The following FANCC variants were observed in gnomAD, a reference collection of about 807,000 sequenced individuals.
FANCC encodes Fanconi anemia group C protein.
Under a neutral mutation model 71.3 loss-of-function variants are expected in FANCC, and 55 were observed. The observed-to-expected ratio is 0.77, with a 90% confidence interval of 0.62 to 0.97. FANCC has a LOEUF of 0.97. FANCC is among the 50% of genes least tolerant of loss of function. The probability of loss-of-function intolerance (pLI) is 0.00; values close to 1 mark genes in which losing one functional copy is unlikely to be tolerated. For missense variants in FANCC, 678 were observed against 670.9 expected (o/e 1.01, Z -0.12); for synonymous variants, 275 against 244.9 (o/e 1.12, Z -1.15).
intron 14 of FANCC, among the ~76,000 whole-genome samples, chr9:95,104,924 CCATAGGTGAGAGCATGCATT>C (rs2071324279): frequency 6.6e-6 from 1 of 152,178 alleles, no homozygotes; most frequent in Non-Finnish European, 1.5e-5. Flanking sequence ...TAGATCCCAC[CCATAGGTGAGAGCATGCATT>C]TGTCTCTCGC....
Position 95,238,593 on chromosome 9 carries a change from T to G in FANCC, c.345+2056A>C, listed in dbSNP as rs1022391725. On this transcript the variant is annotated intron_variant, in intron 4 of 14. Transcript: ENST00000289081. Reference sequence around the variant, plus strand: ...TTTTTTTTTGTTTTTTGAGACAGAGTCTCGCTCTGTCACCCAGGCTGGAGT... The same window carrying G: ...TTTTTTTTTGTTTTTTGAGACAGAGGCTCGCTCTGTCACCCAGGCTGGAGT... 4.6e-4 allele frequency among the ~76,000 whole-genome samples: 70 copies of G among 151,798 alleles called. 1 individual carries two copies. The highest frequency in any genetic ancestry group is 1.2e-4 in the Non-Finnish European group (8 of 67,924).
At chr9:95,248,199 A>G (rs1243268170) in intron 2 of FANCC, among the ~76,000 whole-genome samples, 1 of 152,236 alleles carries the variant, frequency 6.6e-6, no homozygotes, top group Non-Finnish European at 1.5e-5. Context: ...GTTACCTTTC[A>G]TAAAATTTCA....
At chr9:95,109,580 G>A (rs891453743) in intron 13 of FANCC, 1 of 152,146 alleles carries the variant, frequency 6.6e-6, no homozygotes, top group African/African-American at 2.4e-5. Context: ...GCTGCTGGTG[G>A]AAAGGGTGGC....
chr9:95,271,026 G>C (rs1326243924), intron 1 of FANCC, among the ~76,000 whole-genome samples: 1 of 152,178 alleles, frequency 6.6e-6, no homozygotes, highest in African/African-American at 2.4e-5. Flanking sequence ...AATGGGCTCT[G>C]ATTAGGTTAA....
At chr9:95,217,993 G>C (rs1414102834) in intron 4 of FANCC, among the ~76,000 whole-genome samples, 1 of 151,912 alleles carries the variant, frequency 6.6e-6, no homozygotes, top group Non-Finnish European at 1.5e-5. Flanking sequence ...AACAAAGATG[G>C]AATAGGTAAT....
intron 4 of FANCC, among the ~76,000 whole-genome samples, chr9:95,206,092 G>T (rs1828105634): frequency 6.6e-6 from 1 of 151,962 alleles, no homozygotes; most frequent in Admixed American, 6.6e-5. Context: ...GCTGGAAAAA[G>T]AAATACACAA....
At position 95,205,590 on chromosome 9, in the gene FANCC, T is replaced by C. The variant is rs143500576; in HGVS notation, c.346-33443A>G. 3.0e-3 allele frequency among the ~76,000 whole-genome samples: 460 copies of C among 151,308 alleles called. 3 individuals are homozygous for C. Among genetic ancestry groups the C allele is most frequent in the African/African-American group, 0.011 (440 of 41,388 alleles). The stretch of plus-strand genomic sequence containing the variant: ...AAAAAAAAAACACTTTCAGAGAAAA[T>C]GTTAAAGCTTCGGAATGATACATTT... On this transcript the variant is annotated intron_variant, in intron 4 of 14. Transcript: ENST00000289081.
chr9:95,178,064 C>G (rs1826119814), intron 4 of FANCC, among the ~76,000 whole-genome samples: 1 of 151,832 alleles, frequency 6.6e-6, no homozygotes, highest in Non-Finnish European at 1.5e-5. Context: ...TTAAGCTCAT[C>G]AACTATCACT....
At chr9:95,149,831 G>T in intron 7 of FANCC, 92 bp downstream of exon 7, 2 of 1,405,522 alleles carry the variant, frequency 1.4e-6, no homozygotes, top group Non-Finnish European at 2.0e-6. Context: ...AAAAACGTTT[G>T]GACACTGCTG....
At chr9:95,293,654 G>T (rs1314798357) in intron 1 of FANCC, 1 of 1,613,990 alleles carries the variant, frequency 6.2e-7, no homozygotes, top group Non-Finnish European at 8.5e-7. Context: ...CCTCTGTGTC[G>T]TCTTGTTCTC....
intron 3 of FANCC, among the ~76,000 whole-genome samples, chr9:95,241,537 G>T (rs1288079104): frequency 1.3e-5 from 2 of 152,164 alleles, no homozygotes; most frequent in Non-Finnish European, 2.9e-5. Context: ...AACTGAAGAT[G>T]TCAGTACCCG....
intron 4 of FANCC, among the ~76,000 whole-genome samples, chr9:95,190,273 C>T (rs909492654): frequency 1.3e-5 from 2 of 152,114 alleles, no homozygotes; most frequent in African/African-American, 4.8e-5. Context: ...ACTCCTACCT[C>T]GCCAGGACCC....
chr9:95,231,122 T>C (rs1829983372), intron 4 of FANCC, among the ~76,000 whole-genome samples: 1 of 152,236 alleles, frequency 6.6e-6, no homozygotes. Context: ...TGATCTTGCA[T>C]TAGGTTCAAT....
chr9:95,243,824 A>G (rs376853393), intron 3 of FANCC, among the ~76,000 whole-genome samples: 3 of 152,284 alleles, frequency 2.0e-5, no homozygotes, highest in South Asian at 2.1e-4. Context: ...TTATAAAACC[A>G]TAAGAAAAGA....
intron 1 of FANCC, among the ~76,000 whole-genome samples, chr9:95,301,175 AAC>A (rs146415585): frequency 1.9e-3 from 281 of 145,958 alleles, no homozygotes; most frequent in East Asian, 2.8e-3. Context: ...TAACCATCAA[AAC>A]ACACACACAC....
chr9:95,106,180 G>A (rs978805940), intron 14 of FANCC, among the ~76,000 whole-genome samples: 2 of 152,074 alleles, frequency 1.3e-5, no homozygotes, highest in African/African-American at 2.4e-5. Flanking sequence ...AGTGCATCTC[G>A]CTGCACTTTG....
chr9:95,257,046 G>C (rs1004102935), intron 1 of FANCC, among the ~76,000 whole-genome samples: 1 of 152,150 alleles, frequency 6.6e-6, no homozygotes, highest in Admixed American at 6.5e-5. Flanking sequence ...CAAGTTCTTA[G>C]AGGCCTACAA....
chr9:95,236,732 A>AT (rs1214199856), intron 4 of FANCC, among the ~76,000 whole-genome samples: 1 of 152,234 alleles, frequency 6.6e-6, no homozygotes, highest in Non-Finnish European at 1.5e-5. Context: ...GTAACACAGA[A>AT]TGACCCAAGA....
chr9:95,112,735 G>C (rs1255942380), intron 12 of FANCC, among the ~76,000 whole-genome samples: 1 of 152,192 alleles, frequency 6.6e-6, no homozygotes, highest in East Asian at 1.9e-4. Flanking sequence ...AGACCGGTCT[G>C]GTCCTTCCCT....
Sources: gnomAD v4.1 joint callset for allele counts (sites outside exome capture counted in the v4.1 genomes callset) on GRCh38, gnomAD v4.1.1 for gene constraint, MANE v1.5 for transcripts, NCBI Gene and HGNC (gene_info 2026-07-23, HGNC 2026-07-21) for gene names.